Variants in RANBP9 observed in about 807,000 individuals in gnomAD.
RANBP9 encodes the protein RAN binding protein 9.
RANBP9 carries 15 observed loss-of-function variants against 84.3 expected under a neutral mutation model. The observed-to-expected ratio is 0.18, with a 90% confidence interval of 0.12 to 0.27. RANBP9 has a LOEUF of 0.27. Ranked by LOEUF, RANBP9 falls within the 10% of genes least tolerant of loss-of-function variation. RANBP9 has a pLI of 1.00. For missense variants in RANBP9, 809 were observed against 912.8 expected, an observed-to-expected ratio of 0.89 and a Z score of 1.46; for synonymous variants, 392 against 349.6, an observed-to-expected ratio of 1.12 and a Z score of -1.35.
In RANBP9 at chr6:13,657,189, A is replaced by G; in HGVS notation, c.824T>C (p.Phe275Ser). ...SGTGQPYGPT[F>S]TTGDVIGCCV... is the part of the protein sequence containing the mutation. The stretch of plus-strand genomic sequence containing the variant: ...ACAGCCAATGACATCACCAGTAGTG[A>G]AAGTTGGTCCATAAGGTTGTCCAGT... The change falls in exon 4 of 14, where the codon TTC (phenylalanine) becomes TCC (serine). Residue 275 changes from phenylalanine to serine, a missense_variant. This residue lies in a region of RANBP9 where 216 missense variants were observed against 329.0 expected (regional missense o/e 0.66). Coordinates refer to ENST00000011619, the MANE Select transcript of RANBP9 (RefSeq NM_005493.3). The G allele has an allele frequency of 6.2e-7, 1 of 1,613,508 alleles. No individual in the cohort carries two copies. Among genetic ancestry groups the G allele is most frequent in the Non-Finnish European group, 8.5e-7 (1 of 1,179,550 alleles).
intron 7 of RANBP9, among the ~76,000 whole-genome samples, chr6:13,641,869 G>A (rs2127765361): frequency 6.6e-6 from 1 of 152,278 alleles, no homozygotes; most frequent in South Asian, 2.1e-4. Context: ...TTTGACCTAT[G>A]AAATAGTTGT....
chr6:13,689,347 T>C (rs1766271359), intron 2 of RANBP9, among the ~76,000 whole-genome samples: 2 of 150,624 alleles, frequency 1.3e-5, no homozygotes, highest in Non-Finnish European at 1.5e-5. Flanking sequence ...CTCGGCTCAC[T>C]GCAACCTTTG....
At chr6:13,653,846 GT>G (rs1191627407) in intron 4 of RANBP9, among the ~76,000 whole-genome samples, 2 of 151,990 alleles carry the variant, frequency 1.3e-5, no homozygotes, top group Non-Finnish European at 2.9e-5. Flanking sequence ...TAGGGTTCCT[GT>G]TTTCCCCACG....
At chr6:13,704,157 A>G (rs531507408) in intron 1 of RANBP9, among the ~76,000 whole-genome samples, 37 of 152,208 alleles carry the variant, frequency 2.4e-4, no homozygotes, top group Non-Finnish European at 4.6e-4. Context: ...GTCTACTGCA[A>G]TAGTCTTCTA....
intron 9 of RANBP9, among the ~76,000 whole-genome samples, chr6:13,638,410 T>C (rs896240784): frequency 1.3e-5 from 2 of 152,058 alleles, no homozygotes; most frequent in Admixed American, 6.5e-5. Context: ...GAAAAAGCAA[T>C]GGTGTTACTT....
intron 2 of RANBP9, among the ~76,000 whole-genome samples, chr6:13,664,796 T>C (rs945322620): frequency 2.6e-5 from 4 of 152,092 alleles, no homozygotes; most frequent in Non-Finnish European, 5.9e-5. Context: ...TATATGGAAA[T>C]GTGAAGGATC....
At chr6:13,691,286 CT>C (rs1766317622) in intron 2 of RANBP9, among the ~76,000 whole-genome samples, 1 of 151,698 alleles carries the variant, frequency 6.6e-6, no homozygotes, top group South Asian at 2.1e-4. Flanking sequence ...ATTTATTTAG[CT>C]GCACATATAC....
At chr6:13,710,757 C>T (rs1423220089) in intron 1 of RANBP9, among the ~76,000 whole-genome samples, 178 bp downstream of exon 1, 2 of 152,252 alleles carry the variant, frequency 1.3e-5, no homozygotes, top group Admixed American at 6.5e-5. Context: ...TCGCCCCTCA[C>T]CCTCGGACCC....
intron 1 of RANBP9, among the ~76,000 whole-genome samples, chr6:13,702,214 G>A (rs1757991483): frequency 6.6e-6 from 1 of 152,040 alleles, no homozygotes; most frequent in Admixed American, 6.5e-5. Flanking sequence ...AGGCCAAGGT[G>A]GGTGGATCAC....
In RANBP9 at chr6:13,711,256, G is replaced by C. The variant is rs1758273221; in HGVS notation, c.250C>G (p.Pro84Ala). The C allele has an allele frequency of 5.1e-6, 5 of 981,480 alleles. No individual in the cohort carries two copies. Among genetic ancestry groups the C allele is most frequent in the Non-Finnish European group, 4.8e-6 (4 of 827,742 alleles). 60.8% of individuals were successfully genotyped at this position (981,480 alleles called of 1,614,324 possible). The change falls in exon 1 of 14, where the codon CCC becomes GCC. Residue 84 changes from proline to alanine, a missense_variant. Transcript: ENST00000011619. ...PPPPATAAPP[P>A]PPPPPPPPAS... is the part of the protein sequence containing the mutation. ...GGGGGAGGCGGGGGCGGCGGCGGGGGCGGCGGGGCCGCGGTGGCCGGGGGC... is the reference window on the plus strand; with the variant it reads ...GGGGGAGGCGGGGGCGGCGGCGGGGCCGGCGGGGCCGCGGTGGCCGGGGGC...
intron 2 of RANBP9, among the ~76,000 whole-genome samples, chr6:13,693,811 G>A (rs899619430): frequency 2.6e-5 from 4 of 152,220 alleles, no homozygotes; most frequent in Admixed American, 2.0e-4. Flanking sequence ...GGGAGGCTGA[G>A]GCAGGCGGAT....
chr6:13,700,360 G>A (rs907740521), intron 1 of RANBP9, among the ~76,000 whole-genome samples: 2 of 152,142 alleles, frequency 1.3e-5, no homozygotes, highest in African/African-American at 4.8e-5. Context: ...ACCTTGTCTG[G>A]TCTTGCTCTC....
Position 13,711,107 on chromosome 6 carries a change from G to A in RANBP9, c.399C>T (p.Phe133=), listed in dbSNP as rs557587859. 60 of 1,560,072 alleles carry A rather than the reference G, an allele frequency of 3.8e-5. 2 individuals carry two copies. The highest frequency in any genetic ancestry group is 2.0e-4 in the South Asian group (17 of 85,494). Residue 133 remains phenylalanine (F), a synonymous_variant, in exon 1 of 14, where the codon TTC becomes TTT. Coordinates refer to ENST00000011619, the MANE Select transcript of RANBP9 (RefSeq NM_005493.3). ...LVAGSSAAAP[F]PHGDSALNEQ... ...CGTTCAGGGCCGAGTCCCCGTGAGG[G>A]AAGGGGGCCGCGGCGCTGCTGCCCG...
chr6:13,644,039 G>T lies in RANBP9; in HGVS notation c.1112+506C>A, dbSNP rs80017053. On this transcript the variant is annotated intron_variant, in intron 6 of 13. Transcript: ENST00000011619. ...TTGACCTGGATTATAATAGTGAAGA[G>T]GACTTTTTAAATTTAATGGTATTTA... 3.1e-3 allele frequency among the ~76,000 whole-genome samples: 469 copies of T among 152,180 alleles called. 3 individuals carry two copies. The highest frequency in any genetic ancestry group is 0.011 in the African/African-American group (445 of 41,536).
chr6:13,702,596 A>C (rs745798658), intron 1 of RANBP9, among the ~76,000 whole-genome samples: 2 of 152,216 alleles, frequency 1.3e-5, no homozygotes, highest in Non-Finnish European at 2.9e-5. Flanking sequence ...GTGGTCTCTA[A>C]CACAATACTT....
At chr6:13,652,728 G>C (rs1005173383) in intron 4 of RANBP9, 47 bp from the exon 5 acceptor site, 1 of 1,483,960 alleles carries the variant, frequency 6.7e-7, no homozygotes, top group Non-Finnish European at 9.3e-7. Context: ...TTTCAAAGCA[G>C]ACTATACTGA....
At chr6:13,692,258 AG>A (rs1041578111) in intron 2 of RANBP9, among the ~76,000 whole-genome samples, 1 of 152,140 alleles carries the variant, frequency 6.6e-6, no homozygotes, top group African/African-American at 2.4e-5. Context: ...TAGTTTGGCC[AG>A]GCGCGGTGGC....
At chr6:13,674,919 C>T (rs1487024472) in intron 2 of RANBP9, among the ~76,000 whole-genome samples, 1 of 151,114 alleles carries the variant, frequency 6.6e-6, no homozygotes, top group African/African-American at 2.5e-5. Flanking sequence ...CAAGTAGTAA[C>T]AGTAATAACT....
intron 2 of RANBP9, among the ~76,000 whole-genome samples, chr6:13,694,029 C>T (rs998551323): frequency 2.0e-5 from 3 of 151,990 alleles, no homozygotes; most frequent in South Asian, 2.1e-4. Context: ...GGTGACAGAG[C>T]GAGACTCTGG....
Sources: gnomAD v4.1 joint callset for allele counts (sites outside exome capture counted in the v4.1 genomes callset) on GRCh38, gnomAD v4.1.1 for gene constraint, gnomAD v4.1.1 regional missense constraint, MANE v1.5 for transcripts, NCBI Gene and HGNC (gene_info 2026-07-23, HGNC 2026-07-21) for gene names.